RGS18: variants seen among roughly 807,000 people sequenced by gnomAD.
RGS18 encodes the protein regulator of G-protein signaling 18.
RGS18 carries 22 observed loss-of-function variants against 27.6 expected under a neutral mutation model. The ratio of observed to expected loss-of-function variants is 0.80; its 90% CI spans 0.57 to 1.14. RGS18 has a LOEUF of 1.14. Ranked by LOEUF, RGS18 falls within the 50% of genes most tolerant of loss-of-function variation. The pLI is 0.00. For synonymous variants in RGS18, 89 were observed against 84.6 expected, an observed-to-expected ratio of 1.05 and a Z score of -0.29; for missense variants, 299 against 269.6, an observed-to-expected ratio of 1.11 and a Z score of -0.76.
chr1:192,170,960 A>C (rs901069763), intron 3 of RGS18, among the ~76,000 whole-genome samples: 2 of 152,128 alleles, frequency 1.3e-5, no homozygotes, highest in African/African-American at 2.4e-5. Flanking sequence ...GCATTGTGGG[A>C]AAGAAAATCA....
In RGS18 at chr1:192,183,999, T is replaced by A. The variant is rs185068435; in HGVS notation, c.451-298T>A. On this transcript the variant is annotated intron_variant, in intron 4 of 4. Transcript: ENST00000367460. The stretch of plus-strand genomic sequence containing the variant: ...AGACAGAGTGAGGTGTCACACACTT[T>A]TAAACAGCCAGATCTTGCCAGAAGC... Among the ~76,000 whole-genome samples, 310 of 151,606 alleles carry A rather than the reference T, an allele frequency of 2.0e-3. 2 individuals carry two copies. Among genetic ancestry groups the A allele is most frequent in the African/African-American group, 6.9e-3 (284 of 41,442 alleles).
Position 192,179,624 on chromosome 1 carries a change from A to T in RGS18, c.284-1668A>T, listed in dbSNP as rs190241900. On this transcript the variant is annotated intron_variant, in intron 3 of 4. Transcript: ENST00000367460. ...ATATCATGGAATATAATACAGCAACAAAGAGAAACAAACCATTGATACATT... is the reference window on the plus strand; with the variant it reads ...ATATCATGGAATATAATACAGCAACTAAGAGAAACAAACCATTGATACATT... Among the ~76,000 whole-genome samples, 229 of 151,822 alleles carry T rather than the reference A, an allele frequency of 1.5e-3. 2 individuals carry two copies. The highest frequency in any genetic ancestry group is 1.8e-3 in the Non-Finnish European group (121 of 67,754).
At chr1:192,159,752 A>G in intron 2 of RGS18, among the ~76,000 whole-genome samples, 1 of 152,176 alleles carries the variant, frequency 6.6e-6, no homozygotes, top group East Asian at 1.9e-4. Context: ...TAATTCAAAA[A>G]GAAAATGCAA....
chr1:192,171,769 A>G (rs1220469781), intron 3 of RGS18, among the ~76,000 whole-genome samples: 1 of 152,150 alleles, frequency 6.6e-6, no homozygotes, highest in Non-Finnish European at 1.5e-5. Context: ...ACATTAAAAA[A>G]TGACACTTCA....
intron 4 of RGS18, among the ~76,000 whole-genome samples, chr1:192,184,091 T>G (rs553301596): frequency 6.6e-6 from 1 of 151,596 alleles, no homozygotes; most frequent in Admixed American, 6.6e-5. Flanking sequence ...TCCACCCCCA[T>G]GATCCAATAA....
intron 3 of RGS18, among the ~76,000 whole-genome samples, chr1:192,164,997 C>A (rs1656138528): frequency 6.6e-6 from 1 of 152,130 alleles, no homozygotes; most frequent in African/African-American, 2.4e-5. Context: ...ACCATTAGGT[C>A]TGACTGCCTG....
In RGS18 at chr1:192,160,414, A is replaced by G; in HGVS notation, c.258A>G (p.Ser86=). Residue 86 remains serine (S), a synonymous_variant, in exon 3 of 5, where the codon TCA becomes TCG. Coordinates refer to ENST00000367460, the MANE Select transcript of RGS18 (RefSeq NM_130782.3). ...AAGAGGCAGTGAAATGGGGTGAATC[A>G]TTTGACAAACTGCTTTCCCATAGAG... ...SPEEAVKWGE[S]FDKLLSHRDG... 1 of 1,612,566 alleles carries G rather than the reference A, an allele frequency of 6.2e-7. No homozygotes were observed. The highest frequency in any genetic ancestry group is 8.5e-7 in the Non-Finnish European group (1 of 1,178,776).
intron 3 of RGS18, among the ~76,000 whole-genome samples, chr1:192,172,863 G>GTATATATATA: frequency 1.7e-5 from 1 of 57,258 alleles, no homozygotes; most frequent in Non-Finnish European, 4.8e-5. Context: ...AGAAAAATAT[G>GTATATATATA]CATATATATA....
At chr1:192,182,305 C>G (rs1571395182) in intron 4 of RGS18, among the ~76,000 whole-genome samples, 1 of 151,538 alleles carries the variant, frequency 6.6e-6, no homozygotes, top group Admixed American at 6.6e-5. Flanking sequence ...TACATGCCCA[C>G]CAACAATGCA....
At chr1:192,173,623 A>T (rs1656308051) in intron 3 of RGS18, among the ~76,000 whole-genome samples, 1 of 151,848 alleles carries the variant, frequency 6.6e-6, no homozygotes, top group Non-Finnish European at 1.5e-5. Flanking sequence ...TATTAATTGA[A>T]TTAGGGCTAC....
At chr1:192,177,006 C>G (rs915291878) in intron 3 of RGS18, among the ~76,000 whole-genome samples, 3 of 151,588 alleles carry the variant, frequency 2.0e-5, no homozygotes, top group Admixed American at 2.0e-4. Flanking sequence ...CTCACATTGG[C>G]AAAACTCATG....
intron 3 of RGS18, among the ~76,000 whole-genome samples, chr1:192,177,372 T>A (rs1052479015): frequency 6.6e-6 from 1 of 151,604 alleles, no homozygotes; most frequent in East Asian, 1.9e-4. Flanking sequence ...AAGTGTTTCA[T>A]GTTTTTTTAA....
intron 3 of RGS18, among the ~76,000 whole-genome samples, chr1:192,173,569 T>A (rs1343273967): frequency 6.6e-6 from 1 of 151,902 alleles, no homozygotes; most frequent in Non-Finnish European, 1.5e-5. Flanking sequence ...CTAAATTTGG[T>A]CCCAGGTATT....
Position 192,184,504 on chromosome 1 carries a change from A to G in RGS18, c.658A>G (p.Thr220Ala). The G allele has an allele frequency of 6.2e-7, 1 of 1,611,536 alleles. No individual in the cohort carries two copies. The stretch of plus-strand genomic sequence containing the variant: ...TCTTAGGAGACGATCACGCTCATTT[A>G]CCTGCAATGAATTCCAAGATGTACA... Reference protein sequence around the residue: ...TNLRRRSRSFTCNEFQDVQSD... With the variant: ...TNLRRRSRSFACNEFQDVQSD... The change falls in exon 5 of 5, where the codon ACC becomes GCC. Residue 220 changes from threonine (T) to alanine (A), a missense_variant. Coordinates refer to ENST00000367460, the MANE Select transcript of RGS18 (RefSeq NM_130782.3).
At chr1:192,183,145 G>A (rs550890421) in intron 4 of RGS18, among the ~76,000 whole-genome samples, 1 of 151,540 alleles carries the variant, frequency 6.6e-6, no homozygotes, top group African/African-American at 2.4e-5. Context: ...CAAAACCAAC[G>A]TTTTACATAG....
At chr1:192,180,533 T>G (rs748683507) in intron 3 of RGS18, among the ~76,000 whole-genome samples, 1 of 151,614 alleles carries the variant, frequency 6.6e-6, no homozygotes, top group Non-Finnish European at 1.5e-5. Context: ...GTCTAAATGC[T>G]TAGGAGCTAT....
intron 3 of RGS18, among the ~76,000 whole-genome samples, chr1:192,179,797 T>TA (rs1034209839): frequency 4.0e-5 from 6 of 151,342 alleles, no homozygotes; most frequent in African/African-American, 4.8e-5. Context: ...TCCCTGGAGT[T>TA]AAAAAAAATT....
intron 3 of RGS18, chr1:192,169,927 TAGAAAA>T (rs1656227400): frequency 6.6e-6 from 1 of 152,144 alleles, no homozygotes; most frequent in Non-Finnish European, 1.5e-5. Context: ...GATATTAACT[TAGAAAA>T]AGGACAAATA....
intron 3 of RGS18, among the ~76,000 whole-genome samples, chr1:192,176,818 A>G (rs1656366795): frequency 6.6e-6 from 1 of 151,796 alleles, no homozygotes; most frequent in Non-Finnish European, 1.5e-5. Flanking sequence ...AATACATTAT[A>G]TGTTTCAATA....
Sources: allele counts gnomAD v4.1 joint callset (sites outside exome capture counted in the v4.1 genomes callset), GRCh38; gene constraint gnomAD v4.1.1; transcripts MANE v1.5; gene names NCBI Gene and HGNC (gene_info 2026-07-23, HGNC 2026-07-21).